TENM2: variants seen among roughly 807,000 people sequenced by gnomAD.
TENM2 encodes the protein teneurin-2.
Under a neutral mutation model 245.2 loss-of-function variants are expected in TENM2, and 52 were observed. That is an observed-to-expected ratio of 0.21 (90% CI 0.17 to 0.27). The LOEUF (loss-of-function observed/expected upper bound fraction) is 0.27, where lower values mean the gene tolerates loss of function less well. Among genes scored for constraint, TENM2 ranks in the 10% least tolerant of loss-of-function variants. TENM2 has a pLI of 1.00. For synonymous variants in TENM2, 1,363 were observed against 1,438.9 expected, an observed-to-expected ratio of 0.95 and a Z score of 1.19; for missense variants, 3,046 against 3,666.8, an observed-to-expected ratio of 0.83 and a Z score of 4.37.
intron 2 of TENM2, among the ~76,000 whole-genome samples, chr5:167,866,683 G>A (rs1343472305): frequency 2.0e-5 from 3 of 152,106 alleles, no homozygotes; most frequent in Non-Finnish European, 4.4e-5. Context: ...GCAATGGAAA[G>A]CCTTGGGAAA....
intron 2 of TENM2, among the ~76,000 whole-genome samples, chr5:167,834,661 T>A (rs2909794): frequency 2.2e-4 from 27 of 124,754 alleles, no homozygotes; most frequent in South Asian, 1.3e-3. Flanking sequence ...TTTTTTTTTT[T>A]CTTTTTGAGA....
In TENM2 at chr5:168,218,992, T is replaced by A; in HGVS notation, c.5101T>A (p.Phe1701Ile). The change falls in exon 23 of 29, where the codon TTC (phenylalanine) becomes ATC (isoleucine). Residue 1701 changes from phenylalanine to isoleucine, a missense_variant. By Grantham distance (21) the Phe-to-Ile change is conservative (BLOSUM62 0). Around this residue, in one of 2 missense-constraint regions of TENM2, gnomAD observed 2,704 missense variants for 3,331.9 expected, o/e 0.81. Coordinates refer to ENST00000518659, the Ensembl canonical transcript of TENM2. The surrounding 1 kb of genome is among the most constrained non-coding windows in gnomAD (Gnocchi z 5.2). ...GAGCGATGAAACAGGATGGACGACT[T>A]TCTATGAGTAAGTGGGTTTGTAAAG... 6.2e-7 allele frequency: 1 copy of A among 1,612,726 alleles called. No homozygotes were observed. Among genetic ancestry groups the A allele is most frequent in the Non-Finnish European group, 8.5e-7 (1 of 1,179,052 alleles).
intron 9 of TENM2, among the ~76,000 whole-genome samples, chr5:168,117,736 A>C (rs912497254): frequency 6.6e-6 from 1 of 152,214 alleles, no homozygotes; most frequent in Non-Finnish European, 1.5e-5. Flanking sequence ...GCTGTGTCTC[A>C]TCCCCACTTC....
the TENM2 span, among the ~76,000 whole-genome samples, chr5:167,203,644 G>T: frequency 1.3e-5 from 2 of 152,198 alleles, no homozygotes; most frequent in African/African-American, 4.8e-5. Context: ...AAATGTTAGC[G>T]ACCATTTCTT....
the TENM2 span, among the ~76,000 whole-genome samples, chr5:167,084,365 A>ATATATATC: frequency 8.2e-6 from 1 of 122,484 alleles, no homozygotes; most frequent in Admixed American, 8.5e-5. Flanking sequence ...ATATATATAT[A>ATATATATC]TACAGATCAG....
chr5:167,548,596 T>C (rs1018468987), intron 2 of TENM2, among the ~76,000 whole-genome samples: 4 of 152,160 alleles, frequency 2.6e-5, no homozygotes, highest in African/African-American at 9.7e-5. Flanking sequence ...TTGAATTGTT[T>C]GGAGACCACA....
At chr5:168,200,260 C>T in intron 17 of TENM2, 129 bp downstream of exon 19, 4 of 802,158 alleles carry the variant, frequency 5.0e-6, no homozygotes, top group Non-Finnish European at 7.9e-6. Flanking sequence ...GCCAAGAAGA[C>T]AGACAAGATT....
intron 22 of TENM2, among the ~76,000 whole-genome samples, chr5:168,217,585 G>T (rs536384837): frequency 3.3e-5 from 5 of 152,238 alleles, no homozygotes; most frequent in Non-Finnish European, 7.3e-5. Flanking sequence ...GAGGAAGGAT[G>T]CGTTCGGTTC....
intron 3 of TENM2, among the ~76,000 whole-genome samples, chr5:167,896,903 A>T (rs1290732135): frequency 6.6e-6 from 1 of 152,216 alleles, no homozygotes; most frequent in Non-Finnish European, 1.5e-5. Flanking sequence ...CCTCGTTGCT[A>T]AAACGTCCAG....
At chr5:167,095,148 T>C in the TENM2 span, among the ~76,000 whole-genome samples, 1 of 152,150 alleles carries the variant, frequency 6.6e-6, no homozygotes, top group Admixed American at 6.5e-5. Context: ...GCTTACTTTT[T>C]AGTGGAAGAG....
chr5:167,628,898 T>G (rs1230123476), intron 2 of TENM2, among the ~76,000 whole-genome samples: 2 of 152,332 alleles, frequency 1.3e-5, no homozygotes, highest in East Asian at 3.9e-4. Context: ...GTGTATTGCT[T>G]GCATTGTTTT....
intron 5 of TENM2, among the ~76,000 whole-genome samples, chr5:167,998,541 A>G (rs1043566229): frequency 6.6e-6 from 1 of 152,208 alleles, no homozygotes; most frequent in Non-Finnish European, 1.5e-5. Flanking sequence ...CCCCTGAGCT[A>G]AAACAATACG....
intron 9 of TENM2, among the ~76,000 whole-genome samples, chr5:168,112,215 T>A (rs1794717047): frequency 6.6e-6 from 1 of 152,186 alleles, no homozygotes; most frequent in Non-Finnish European, 1.5e-5. Context: ...AGGTCATTAA[T>A]CTGTATGGAA....
At chr5:167,613,023 G>A (rs945537968) in intron 2 of TENM2, among the ~76,000 whole-genome samples, 10 of 152,196 alleles carry the variant, frequency 6.6e-5, no homozygotes, top group South Asian at 2.1e-4. Context: ...GTAAAGACAC[G>A]CATGGAAGAG....
rs148898817 is a variant in TENM2 at position 167,518,190 on chromosome 5, C to A, written c.502+142717C>A. ...AAAAAAAAAATTAATAGTTTAAGTTCATTTGTCATCCTCTTCTATCCCTTG... is the reference window on the plus strand; with the variant it reads ...AAAAAAAAAATTAATAGTTTAAGTTAATTTGTCATCCTCTTCTATCCCTTG... On this transcript the variant is annotated intron_variant, in intron 2 of 28. Coordinates refer to ENST00000518659, the Ensembl canonical transcript of TENM2. Among the ~76,000 whole-genome samples the A allele has an allele frequency of 5.1e-3, 768 of 151,922 alleles. 6 individuals are homozygous for A. The highest frequency in any genetic ancestry group is 0.018 in the African/African-American group (737 of 41,424).
chr5:167,665,791 C>T (rs900716729), intron 2 of TENM2, among the ~76,000 whole-genome samples: 4 of 152,172 alleles, frequency 2.6e-5, no homozygotes, highest in African/African-American at 9.7e-5. Flanking sequence ...AAAGTGGCCT[C>T]TCCACTCTTT....
chr5:167,210,225 C>G, the TENM2 span, among the ~76,000 whole-genome samples: 1 of 152,150 alleles, frequency 6.6e-6, no homozygotes, highest in African/African-American at 2.4e-5. Context: ...GTGCTTGATA[C>G]AAGACTGGAA....
At chr5:167,474,881 GAAC>G (rs1231679945) in intron 2 of TENM2, among the ~76,000 whole-genome samples, 1 of 152,162 alleles carries the variant, frequency 6.6e-6, no homozygotes, top group Non-Finnish European at 1.5e-5. Flanking sequence ...CCAGGACAAA[GAAC>G]AAAATCTGGA....
intron 7 of TENM2, among the ~76,000 whole-genome samples, chr5:168,080,506 CT>C (rs1791896823): frequency 6.6e-6 from 1 of 152,134 alleles, no homozygotes; most frequent in African/African-American, 2.4e-5. Flanking sequence ...TTCTCTAGTT[CT>C]TTTAATTGTG....
Sources: gnomAD v4.1 joint callset for allele counts (sites outside exome capture counted in the v4.1 genomes callset) on GRCh38, gnomAD v4.1.1 for gene constraint, gnomAD v4.1.1 regional missense constraint, Gnocchi (gnomAD v3.1) non-coding constraint, MANE v1.5 for transcripts, NCBI Gene and HGNC (gene_info 2026-07-23, HGNC 2026-07-21) for gene names.